MKNK2: variants seen among roughly 807,000 people sequenced by gnomAD.
MKNK2 encodes MAP kinase-interacting serine/threonine-protein kinase 2.
A neutral mutation model predicts 55.0 loss-of-function variants in MKNK2; 54 were observed. The observed-to-expected ratio is 0.98, with a 90% confidence interval of 0.79 to 1.23. The LOEUF (loss-of-function observed/expected upper bound fraction) is 1.23. Among genes scored for constraint, MKNK2 ranks in the 50% most tolerant of loss-of-function variants. MKNK2 has a pLI of 0.00. For missense variants in MKNK2, 685 were observed against 632.1 expected (o/e 1.08, Z -0.90); for synonymous variants, 323 against 256.0 (o/e 1.26, Z -2.50).
intron 12 of MKNK2, chr19:2,040,501 C>A: frequency 2.5e-6 from 1 of 395,000 alleles, no homozygotes; most frequent in Non-Finnish European, 4.6e-6. Flanking sequence ...CCCCTCTTAA[C>A]CCATGGGTCT....
At position 2,051,206 on chromosome 19, in the gene MKNK2, G is replaced by T. The variant is rs1034219560; in HGVS notation, c.-207C>A. On this transcript the variant is annotated 5_prime_UTR_variant, in exon 1 of 14. Coordinates refer to ENST00000250896, the MANE Select transcript of MKNK2 (RefSeq NM_199054.3). ...ACAGCGCCGCCGCCGCCGCCAGCGC[G>T]GACCCCTCTACCTGGGCCACCGCCG... The T allele has an allele frequency of 6.5e-6, 1 of 153,838 alleles. No individual in the cohort carries two copies. Among genetic ancestry groups the T allele is most frequent in the Non-Finnish European group, 1.4e-5 (1 of 69,454 alleles). 9.5% of individuals were successfully genotyped at this position (153,838 alleles called of 1,614,324 possible).
At position 2,041,162 on chromosome 19, in the gene MKNK2, G is replaced by A. The variant is rs1347811296; in HGVS notation, c.988C>T (p.Pro330Ser). The A allele has an allele frequency of 3.7e-6, 6 of 1,614,014 alleles. No individual in the cohort carries two copies. The highest frequency in any genetic ancestry group is 1.3e-5 in the African/African-American group (1 of 75,038). Reference sequence around the variant, plus strand: ...GAGATGTGGGCCCAGTCCTTGTCGGGGAACTCGTACTTGCCCTCCTGGATG... The same window carrying A: ...GAGATGTGGGCCCAGTCCTTGTCGGAGAACTCGTACTTGCCCTCCTGGATG... ...ESIQEGKYEF[P>S]DKDWAHISCA... is the part of the protein sequence containing the mutation. Residue 330 changes from proline to serine, a missense_variant, in exon 12 of 14, where the codon CCC becomes TCC. By Grantham distance (74) the Pro-to-Ser change is moderately conservative. Transcript: ENST00000250896.
rs1055122735 is a variant in MKNK2, at chr19:2,039,630, C to A, written c.1381G>T (p.Val461Leu). 6.2e-7 allele frequency: 1 copy of A among 1,612,516 alleles called. No individual in the cohort carries two copies. Among genetic ancestry groups the A allele is most frequent in the Non-Finnish European group, 8.5e-7 (1 of 1,179,606 alleles). ...TGGGAGGGTCAGGCGTGGTCTCCCA[C>A]CAGGACCACTGGGGCCGAGGACAGA... is the stretch of plus-strand genomic sequence containing the variant. ...ASLSSAPVVL[V>L]GDHA Residue 461 changes from valine to leucine, a missense_variant, in exon 14 of 14, where the codon GTG becomes TTG. Val to Leu is a conservative substitution (Grantham distance 32). Transcript: ENST00000250896.
chr19:2,038,441 A>C lies in MKNK2; in HGVS notation c.*1172T>G, dbSNP rs2016801680. 1.0e-6 allele frequency: 1 copy of C among 984,574 alleles called. No individual in the cohort carries two copies. The allele number at this position is 984,574 out of a possible 1,614,324, so 61.0% of individuals were successfully genotyped here. ...ACGTCCCCACCCGCGGGGAGGGGGCAGCAGGCTCCGCAGCCCCCGGGGGTT... is the reference window on the plus strand; with the variant it reads ...ACGTCCCCACCCGCGGGGAGGGGGCCGCAGGCTCCGCAGCCCCCGGGGGTT... On this transcript the variant is annotated 3_prime_UTR_variant, in exon 14 of 14. Coordinates refer to ENST00000250896, the MANE Select transcript of MKNK2 (RefSeq NM_199054.3).
intron 10 of MKNK2, 94 bp downstream of exon 10, chr19:2,042,333 C>T (rs556360886): frequency 2.6e-5 from 31 of 1,176,320 alleles, no homozygotes; most frequent in Non-Finnish European, 3.6e-5. Flanking sequence ...GCCCGAGCTC[C>T]GCGGCCTGGA....
chr19:2,037,663 C>G lies in MKNK2; in HGVS notation c.*1950G>C, dbSNP rs1321439350. The G allele has an allele frequency of 1.1e-5, 9 of 790,082 alleles. No individual in the cohort carries two copies. The highest frequency in any genetic ancestry group is 1.0e-4 in the East Asian group (3 of 29,470). The allele number at this position is 790,082 out of a possible 1,614,324, so 48.9% of individuals were successfully genotyped here. On this transcript the variant is annotated 3_prime_UTR_variant, in exon 14 of 14. Transcript: ENST00000250896. ...TTTTTTTTTTGTCTTTTAAAAACAT[C>G]GTAACATTAACACATGGCCGTTCAC...
chr19:2,042,778 G>A lies in MKNK2; in HGVS notation c.586C>T (p.Leu196=). ...VQDVASALDF[L]HNKGIAHRDL... ...GGTCACCACCTACCTTTGTTATGCAGAAAGTCCAAGGCGCTGGCCACGTCC... is the reference window on the plus strand; with the variant it reads ...GGTCACCACCTACCTTTGTTATGCAAAAAGTCCAAGGCGCTGGCCACGTCC... Residue 196 remains leucine, a synonymous_variant, in exon 8 of 14, where the codon CTG becomes TTG. Coordinates refer to ENST00000250896, the MANE Select transcript of MKNK2 (RefSeq NM_199054.3). 6.3e-7 allele frequency: 1 copy of A among 1,577,604 alleles called. No individual in the cohort carries two copies. The highest frequency in any genetic ancestry group is 8.6e-7 in the Non-Finnish European group (1 of 1,160,212).
chr19:2,037,654 T>TTA lies in MKNK2; in HGVS notation c.*1958_*1959insTA. ...AGGTTTTTTTTTTTTTTTTGTCTTT[T>TTA]AAAAACATCGTAACATTAACACATG... On this transcript the variant is annotated 3_prime_UTR_variant, in exon 14 of 14. Coordinates refer to ENST00000250896, the MANE Select transcript of MKNK2 (RefSeq NM_199054.3). 1.0e-6 allele frequency: 1 copy of TTA among 1,001,890 alleles called. No individual in the cohort carries two copies. Among genetic ancestry groups the TTA allele is most frequent in the South Asian group, 3.1e-5 (1 of 32,040 alleles). The allele number at this position is 1,001,890 out of a possible 1,614,324, so 62.1% of individuals were successfully genotyped here. A position where few individuals can be genotyped will look rare whatever the true frequency, so the allele number is the denominator to read the frequency against.
At chr19:2,042,097 G>C (rs905345505) in intron 10 of MKNK2, 63 bp from the exon 11 acceptor site, 34 of 1,372,036 alleles carry the variant, frequency 2.5e-5, no homozygotes, top group African/African-American at 1.5e-5. Context: ...ACCGAGCCCG[G>C]GTAACTGCGG....
chr19:2,042,528 A>G lies in MKNK2; in HGVS notation c.655-6T>C. ...CAGATCTTCACGGGGGAGACCTGGG[A>G]GGGGCCAAAAGGTCCGTGAGCCTGG... On this transcript the variant is annotated splice_region_variant and splice_polypyrimidine_tract_variant and intron_variant, in intron 9 of 13. Transcript: ENST00000250896. 1.3e-6 allele frequency: 2 copies of G among 1,590,032 alleles called. No individual in the cohort carries two copies. Among genetic ancestry groups the G allele is most frequent in the Non-Finnish European group, 1.7e-6 (2 of 1,169,478 alleles).
Position 2,037,852 on chromosome 19 carries a change from A to G in MKNK2, c.*1761T>C. The stretch of plus-strand genomic sequence containing the variant: ...CACCTTCAGAAAAAAAAAAAAAAAC[A>G]AACAAACAAACGCTGCTAGCCACTC... On this transcript the variant is annotated 3_prime_UTR_variant, in exon 14 of 14. Coordinates refer to ENST00000250896, the MANE Select transcript of MKNK2 (RefSeq NM_199054.3). 2 of 1,562,734 alleles carry G rather than the reference A, an allele frequency of 1.3e-6. No homozygotes were observed.
In MKNK2 at chr19:2,039,780, C is replaced by A. The variant is rs780346937; in HGVS notation, c.1231G>T (p.Glu411Ter). 2 of 1,607,716 alleles carry A rather than the reference C, an allele frequency of 1.2e-6. No individual in the cohort carries two copies. The highest frequency in any genetic ancestry group is 1.7e-6 in the Non-Finnish European group (2 of 1,179,578). Reference sequence around the variant, plus strand: ...GCGGCCTCCTCCTCAGCCAGGTCCTCGTCGTGCTGGGCCAGCTGCCGGTTC... The same window carrying A: ...GCGGCCTCCTCCTCAGCCAGGTCCTAGTCGTGCTGGGCCAGCTGCCGGTTC... ...AMNRQLAQHD[E>*]DLAEEEAAGQ... is the part of the protein sequence containing the mutation. Residue 411 changes from glutamate (E) to a stop codon, truncating the protein, a stop_gained, in exon 14 of 14, where the codon GAG becomes TAG. Coordinates refer to ENST00000250896, the MANE Select transcript of MKNK2 (RefSeq NM_199054.3). LOFTEE classifies it low-confidence loss of function (END_TRUNC).
Position 2,038,933 on chromosome 19 carries a change from T to C in MKNK2, c.*680A>G. 1 of 985,380 alleles carries C rather than the reference T, an allele frequency of 1.0e-6. No individual in the cohort carries two copies. Among genetic ancestry groups the C allele is most frequent in the Non-Finnish European group, 1.2e-6 (1 of 829,896 alleles). 61.0% of individuals were successfully genotyped at this position (985,380 alleles called of 1,614,324 possible). A position where few individuals can be genotyped will look rare whatever the true frequency, so the allele number is the denominator to read the frequency against. On this transcript the variant is annotated 3_prime_UTR_variant, in exon 14 of 14. Coordinates refer to ENST00000250896, the MANE Select transcript of MKNK2 (RefSeq NM_199054.3). Reference sequence around the variant, plus strand: ...GGCCGAATCTGGCCACCAGGAGTCCTGGACAGACAGACGGGCCTTGCAGGA... The same window carrying C: ...GGCCGAATCTGGCCACCAGGAGTCCCGGACAGACAGACGGGCCTTGCAGGA...
chr19:2,043,688 C>A, intron 5 of MKNK2, 106 bp from the exon 6 acceptor site: 2 of 1,023,808 alleles, frequency 2.0e-6, no homozygotes, highest in South Asian at 1.4e-5. Context: ...ACTTAACGCC[C>A]TGCAACTCTA....
rs1020576134 is a variant in MKNK2 at position 2,039,453 on chromosome 19, G to A, written c.*160C>T. The stretch of plus-strand genomic sequence containing the variant: ...GAAACAGGAAAAAAAAAACCCAAAA[G>A]CAAAAACCTTCTATAAAACACCCCC... On this transcript the variant is annotated 3_prime_UTR_variant, in exon 14 of 14. Coordinates refer to ENST00000250896, the MANE Select transcript of MKNK2 (RefSeq NM_199054.3). 6 of 1,401,232 alleles carry A rather than the reference G, an allele frequency of 4.3e-6. No individual in the cohort carries two copies. Among genetic ancestry groups the A allele is most frequent in the Non-Finnish European group, 5.6e-6 (6 of 1,078,926 alleles). The allele number at this position is 1,401,232 out of a possible 1,614,324, so 86.8% of individuals were successfully genotyped here. A position where few individuals can be genotyped will look rare whatever the true frequency, so the allele number is the denominator to read the frequency against.
intron 5 of MKNK2, 49 bp from the exon 6 acceptor site, chr19:2,043,631 G>T: frequency 6.5e-7 from 1 of 1,542,292 alleles, no homozygotes; most frequent in Non-Finnish European, 8.9e-7. Flanking sequence ...GACGCTCATA[G>T]TCGAGAAGGG....
rs757652368 is a variant in MKNK2, at chr19:2,040,120, C to T, written c.1154+14G>A. ...CCTGGACTCAGGGGTCCCGAGCACC[C>T]CTGCGGGCCTTACCTCTGCAGGACC... On this transcript the variant is annotated intron_variant, in intron 13 of 13. Coordinates refer to ENST00000250896, the MANE Select transcript of MKNK2 (RefSeq NM_199054.3). 3 of 1,586,590 alleles carry T rather than the reference C, an allele frequency of 1.9e-6. No individual in the cohort carries two copies. The highest frequency in any genetic ancestry group is 2.7e-5 in the African/African-American group (2 of 74,802).
At chr19:2,049,631 T>C (rs1407754065) in intron 2 of MKNK2, among the ~76,000 whole-genome samples, 1 of 152,192 alleles carries the variant, frequency 6.6e-6, no homozygotes, top group East Asian at 1.9e-4. Flanking sequence ...AAAGTTCAAG[T>C]GTGCTTTAGC....
In MKNK2 at chr19:2,037,835, G is replaced by GAAAAAAA; in HGVS notation, c.*1771_*1777dup. 5.5e-6 allele frequency: 7 copies of GAAAAAAA among 1,282,590 alleles called. No individual in the cohort carries two copies. Among genetic ancestry groups the GAAAAAAA allele is most frequent in the South Asian group, 1.5e-5 (1 of 65,428 alleles). 79.5% of individuals were successfully genotyped at this position (1,282,590 alleles called of 1,614,324 possible). A position where few individuals can be genotyped will look rare whatever the true frequency, so the allele number is the denominator to read the frequency against. On this transcript the variant is annotated 3_prime_UTR_variant, in exon 14 of 14. Transcript: ENST00000250896. Reference sequence around the variant, plus strand: ...GGAGGAAGTGACTGTCCCACCTTCAGAAAAAAAAAAAAAAACAAACAAACA... The same window carrying GAAAAAAA: ...GGAGGAAGTGACTGTCCCACCTTCAGAAAAAAAAAAAAAAAAAAAAAACAAACAAACA...
Sources: gnomAD v4.1 joint callset for allele counts (sites outside exome capture counted in the v4.1 genomes callset) on GRCh38, gnomAD v4.1.1 for gene constraint, MANE v1.5 for transcripts, NCBI Gene and HGNC (gene_info 2026-07-23, HGNC 2026-07-21) for gene names.